Variants in VTI1A observed in about 807,000 individuals in gnomAD.
VTI1A encodes vesicle transport through interaction with t-SNAREs 1A.
Under a neutral mutation model 34.9 loss-of-function variants are expected in VTI1A, and 22 were observed. The ratio of observed to expected loss-of-function variants is 0.63; its 90% confidence interval spans 0.45 to 0.90. The LOEUF is 0.90. Among genes scored for constraint, VTI1A ranks in the 40% least tolerant of loss-of-function variants. The pLI, the probability that VTI1A is intolerant of heterozygous loss-of-function variation, is 0.00. For synonymous variants in VTI1A, 87 were observed against 97.3 expected (o/e 0.89, Z 0.62); for missense variants, 268 against 275.6 (o/e 0.97, Z 0.20).
chr10:112,643,109 C>T (rs1327082821), intron 5 of VTI1A, among the ~76,000 whole-genome samples: 1 of 151,056 alleles, frequency 6.6e-6, no homozygotes, highest in African/African-American at 2.4e-5. Flanking sequence ...CTCAGCCTCC[C>T]AGGTAGCTGG....
intron 7 of VTI1A, among the ~76,000 whole-genome samples, chr10:112,772,678 A>AT (rs1203463116): frequency 6.6e-6 from 1 of 152,214 alleles, no homozygotes; most frequent in African/African-American, 2.4e-5. Context: ...TGGCTCTTTC[A>AT]TTTAGGTCTT....
chr10:112,612,556 G>T (rs1001868874), intron 5 of VTI1A, among the ~76,000 whole-genome samples: 1 of 152,140 alleles, frequency 6.6e-6, no homozygotes, highest in African/African-American at 2.4e-5. Context: ...TGATTAGCTG[G>T]AACTACAGGT....
At chr10:112,630,114 CTCTT>C (rs1474507265) in intron 5 of VTI1A, among the ~76,000 whole-genome samples, 7 of 152,174 alleles carry the variant, frequency 4.6e-5, no homozygotes, top group Non-Finnish European at 4.4e-5. Context: ...GTTCCAGAGA[CTCTT>C]TCTTCTGACA....
intron 7 of VTI1A, among the ~76,000 whole-genome samples, chr10:112,731,613 A>T (rs1850265879): frequency 6.6e-6 from 1 of 152,070 alleles, no homozygotes; most frequent in East Asian, 1.9e-4. Context: ...AGCATACATG[A>T]GAAGGCATAT....
chr10:112,837,219 C>G, the VTI1A span, among the ~76,000 whole-genome samples: 4 of 152,144 alleles, frequency 2.6e-5, no homozygotes, highest in Non-Finnish European at 4.4e-5. Context: ...CCCAGCTACT[C>G]AGGAGGCTGA....
intron 5 of VTI1A, among the ~76,000 whole-genome samples, chr10:112,547,858 C>G (rs554195598): frequency 1.1e-4 from 17 of 151,700 alleles, no homozygotes; most frequent in South Asian, 4.1e-4. Flanking sequence ...TTGTTTGTTT[C>G]TTTCTTTATC....
chr10:112,484,794 C>A (rs766590518), intron 3 of VTI1A, among the ~76,000 whole-genome samples: 4 of 149,532 alleles, frequency 2.7e-5, no homozygotes, highest in South Asian at 2.1e-4. Flanking sequence ...GGAGAAACAT[C>A]TATAATAAAT....
rs35159993 is a variant in VTI1A at position 112,795,431 on chromosome 10, C to CTTTTTTTTTTTTTTT, written c.561-19854_561-19840dup. ...TTTCTCCTACACATTCCCTATTACT[C>CTTTTTTTTTTTTTTT]TTTTTTTTTTTTTTTTTTTCTGAGA... On this transcript the variant is annotated intron_variant, in intron 7 of 7. Coordinates refer to ENST00000393077, the MANE Select transcript of VTI1A (RefSeq NM_145206.4). Among the ~76,000 whole-genome samples the CTTTTTTTTTTTTTTT allele has an allele frequency of 6.3e-4, 78 of 123,982 alleles. 2 individuals are homozygous for CTTTTTTTTTTTTTTT. The highest frequency in any genetic ancestry group is 2.3e-3 in the African/African-American group (76 of 32,616). The allele number at this position is 123,982 out of a possible 152,430, so 81.3% of individuals were successfully genotyped here. A position where few individuals can be genotyped will look rare whatever the true frequency, so the allele number is the denominator to read the frequency against.
rs555217314 is a variant in VTI1A at position 112,815,501 on chromosome 10, C to T, written c.*118C>T. On this transcript the variant is annotated 3_prime_UTR_variant, in exon 8 of 8. Coordinates refer to ENST00000393077, the MANE Select transcript of VTI1A (RefSeq NM_145206.4). Reference sequence around the variant, plus strand: ...GCCCCAGGTGACCCTCTCTCTCCCTCACCGCCGTTGGGCTGAAGTGCAAAG... The same window carrying T: ...GCCCCAGGTGACCCTCTCTCTCCCTTACCGCCGTTGGGCTGAAGTGCAAAG... 7 of 841,882 alleles carry T rather than the reference C, an allele frequency of 8.3e-6. No homozygotes were observed. The highest frequency in any genetic ancestry group is 5.0e-5 in the African/African-American group (3 of 60,112). The allele number at this position is 841,882 out of a possible 1,614,324, so 52.2% of individuals were successfully genotyped here.
At chr10:112,734,829 A>G (rs1193804929) in intron 7 of VTI1A, among the ~76,000 whole-genome samples, 1 of 151,712 alleles carries the variant, frequency 6.6e-6, no homozygotes, top group Non-Finnish European at 1.5e-5. Context: ...ATTTTTTTGT[A>G]TTTTTGGTAG....
intron 5 of VTI1A, among the ~76,000 whole-genome samples, chr10:112,610,093 A>G (rs1043841562): frequency 1.1e-4 from 16 of 152,202 alleles, no homozygotes; most frequent in Middle Eastern, 3.4e-3. Context: ...AAAAAAAATG[A>G]GGCGCATTTA....
chr10:112,700,668 G>A (rs1848979282), intron 7 of VTI1A, among the ~76,000 whole-genome samples: 2 of 152,172 alleles, frequency 1.3e-5, no homozygotes, highest in Admixed American at 1.3e-4. Flanking sequence ...TGAGTTCATA[G>A]ACAAACCATA....
At chr10:112,717,382 A>G (rs1438021078) in intron 7 of VTI1A, among the ~76,000 whole-genome samples, 1 of 152,120 alleles carries the variant, frequency 6.6e-6, no homozygotes, top group African/African-American at 2.4e-5. Context: ...GTCTCTCAGG[A>G]TTTTGGCGGG....
rs543283145 is a variant in VTI1A, at chr10:112,587,288, A to G, written c.427+48958A>G. 2.0e-5 allele frequency among the ~76,000 whole-genome samples: 3 copies of G among 152,290 alleles called. No homozygotes were observed. The South Asian group carries it at 6.2e-4, about 32-fold the overall frequency. On this transcript the variant is annotated intron_variant, in intron 5 of 7. Transcript: ENST00000393077. ...TCATTTCACAAATTTAATACTTGCC[A>G]TGTACCTACTGTTGCAGTAGTTAGT...
intron 7 of VTI1A, among the ~76,000 whole-genome samples, chr10:112,796,289 C>T (rs1852670686): frequency 6.6e-6 from 1 of 151,796 alleles, no homozygotes; most frequent in South Asian, 2.1e-4. Flanking sequence ...ACCTGTAATC[C>T]CAGCTACTCG....
At chr10:112,636,139 G>A (rs1336537641) in intron 5 of VTI1A, among the ~76,000 whole-genome samples, 1 of 152,166 alleles carries the variant, frequency 6.6e-6, no homozygotes, top group Non-Finnish European at 1.5e-5. Context: ...CTCACAGTAG[G>A]CACTCTGCAC....
intron 3 of VTI1A, among the ~76,000 whole-genome samples, chr10:112,513,624 G>A (rs1460421438): frequency 6.6e-6 from 1 of 151,914 alleles, no homozygotes; most frequent in African/African-American, 2.4e-5. Flanking sequence ...GGATCTTAAA[G>A]GAAGAGCATT....
chr10:112,694,011 A>G (rs1392190074), intron 7 of VTI1A, among the ~76,000 whole-genome samples: 1 of 152,228 alleles, frequency 6.6e-6, no homozygotes, highest in Admixed American at 6.5e-5. Context: ...GTTCGAGACC[A>G]GCCTGGCCAA....
At chr10:112,841,997 T>C in the VTI1A span, among the ~76,000 whole-genome samples, 1 of 150,928 alleles carries the variant, frequency 6.6e-6, no homozygotes, top group Non-Finnish European at 1.5e-5. Context: ...TTTCATGACA[T>C]GGTTTCCAAC....
Sources: gnomAD v4.1 joint callset for allele counts (sites outside exome capture counted in the v4.1 genomes callset) on GRCh38, gnomAD v4.1.1 for gene constraint, MANE v1.5 for transcripts, NCBI Gene and HGNC (gene_info 2026-07-23, HGNC 2026-07-21) for gene names.